Variants in FLNB observed in about 807,000 individuals in gnomAD.
FLNB encodes the protein filamin B, also known as filamin-B.
In FLNB, 111 loss-of-function variants were observed where a neutral mutation model predicts 250.6. The ratio of observed to expected loss-of-function variants is 0.44; its 90% CI spans 0.38 to 0.52. The LOEUF (loss-of-function observed/expected upper bound fraction) is 0.52, where lower values mean the gene tolerates loss of function less well. FLNB is among the 20% of genes least tolerant of loss of function. FLNB has a pLI of 0.00. For missense variants in FLNB, 2,869 were observed against 3,447.8 expected (o/e 0.83, Z 4.20); for synonymous variants, 1,302 against 1,372.1 (o/e 0.95, Z 1.13).
At chr3:58,026,413 G>T (rs1576601301) in intron 1 of FLNB, among the ~76,000 whole-genome samples, 1 of 152,180 alleles carries the variant, frequency 6.6e-6, no homozygotes, top group East Asian at 1.9e-4. Flanking sequence ...GCTGCCCTGG[G>T]TGTGGTGGTA....
chr3:58,037,395 A>C (rs371863953), intron 1 of FLNB, among the ~76,000 whole-genome samples: 1 of 152,280 alleles, frequency 6.6e-6, no homozygotes, highest in East Asian at 1.9e-4. Flanking sequence ...CTGCAATGCA[A>C]GTTGTCCTCA....
chr3:58,026,391 G>C (rs2097123652), intron 1 of FLNB, among the ~76,000 whole-genome samples: 1 of 152,156 alleles, frequency 6.6e-6, no homozygotes, highest in South Asian at 2.1e-4. Context: ...CCTGCCATCT[G>C]TCAAAATTTT....
intron 1 of FLNB, among the ~76,000 whole-genome samples, chr3:58,026,768 T>C (rs2097124170): frequency 6.6e-6 from 1 of 152,214 alleles, no homozygotes; most frequent in Non-Finnish European, 1.5e-5. Context: ...GGGCCAGATT[T>C]CTAATACTGC....
intron 19 of FLNB, 94 bp from the exon 20 acceptor site, chr3:58,121,147 C>T: frequency 6.6e-7 from 1 of 1,522,556 alleles, no homozygotes; most frequent in Non-Finnish European, 9.1e-7. Flanking sequence ...TGAGATAAGT[C>T]CCCGTGTCCA....
At chr3:58,115,196 T>C (rs1184414289) in intron 18 of FLNB, among the ~76,000 whole-genome samples, 1 of 152,244 alleles carries the variant, frequency 6.6e-6, no homozygotes, top group Non-Finnish European at 1.5e-5. Context: ...ATTATTTTCC[T>C]GCTGATGGTT....
chr3:58,151,072 T>C (rs1402698946), intron 38 of FLNB: 1 of 152,346 alleles, frequency 6.6e-6, no homozygotes, highest in Admixed American at 6.5e-5. Context: ...CTCATTACTG[T>C]AGAGTTCAGA....
intron 1 of FLNB, among the ~76,000 whole-genome samples, chr3:58,066,700 C>T (rs1188128235): frequency 6.6e-6 from 1 of 152,134 alleles, no homozygotes; most frequent in East Asian, 1.9e-4. Flanking sequence ...TTAAGTAATT[C>T]TCAAAATTTT....
At chr3:58,033,953 C>T (rs2097134445) in intron 1 of FLNB, among the ~76,000 whole-genome samples, 1 of 151,914 alleles carries the variant, frequency 6.6e-6, no homozygotes, top group Non-Finnish European at 1.5e-5. Context: ...CTCCACCTCC[C>T]GGGTTCAAGC....
chr3:58,094,320 A>C (rs2097233981), intron 4 of FLNB, among the ~76,000 whole-genome samples: 1 of 152,238 alleles, frequency 6.6e-6, no homozygotes, highest in African/African-American at 2.4e-5. Context: ...CACCTGCCTC[A>C]GCCTCCCAAA....
intron 22 of FLNB, 81 bp from the exon 23 acceptor site, chr3:58,125,500 G>A: frequency 6.7e-7 from 1 of 1,498,364 alleles, no homozygotes; most frequent in East Asian, 2.3e-5. Context: ...GATGCTAGAT[G>A]AAACTCTGAA....
At chr3:58,075,245 TCA>T (rs2106939686) in intron 1 of FLNB, among the ~76,000 whole-genome samples, 1 of 152,130 alleles carries the variant, frequency 6.6e-6, no homozygotes, top group South Asian at 2.1e-4. Context: ...TGCAGATAGC[TCA>T]GTCACTCCTC....
At chr3:58,089,632 A>G (rs561574302) in intron 4 of FLNB, among the ~76,000 whole-genome samples, 76 of 152,236 alleles carry the variant, frequency 5.0e-4, no homozygotes, top group African/African-American at 1.8e-3. Flanking sequence ...AAGAAATACA[A>G]TGTCCCAGCA....
intron 1 of FLNB, among the ~76,000 whole-genome samples, chr3:58,059,236 CAT>C (rs532697079): frequency 6.7e-4 from 102 of 152,294 alleles, no homozygotes; most frequent in African/African-American, 2.2e-3. Flanking sequence ...AAAATTCTAA[CAT>C]GTGTTTTTCA....
chr3:58,051,280 G>C (rs1001087106), intron 1 of FLNB, among the ~76,000 whole-genome samples: 6 of 152,204 alleles, frequency 3.9e-5, no homozygotes, highest in African/African-American at 1.2e-4. Flanking sequence ...CCAGTTCACT[G>C]TTCACCATTG....
intron 1 of FLNB, among the ~76,000 whole-genome samples, chr3:58,031,398 A>G (rs1424474596): frequency 2.6e-5 from 4 of 151,748 alleles, no homozygotes; most frequent in Admixed American, 2.6e-4. Context: ...GCCCGCCACC[A>G]CGCCTGGCTA....
At chr3:58,159,413 C>T (rs969852982) in intron 41 of FLNB, 141 bp from the exon 42 acceptor site, 17 of 810,646 alleles carry the variant, frequency 2.1e-5, no homozygotes, top group Non-Finnish European at 3.0e-5. Flanking sequence ...CAGAATGGCT[C>T]ACCTGCCCTT....
intron 18 of FLNB, among the ~76,000 whole-genome samples, chr3:58,112,720 A>G (rs1048105439): frequency 6.6e-6 from 1 of 152,158 alleles, no homozygotes; most frequent in Non-Finnish European, 1.5e-5. Context: ...TAGTCTTTTC[A>G]TTAATTACCC....
intron 1 of FLNB, among the ~76,000 whole-genome samples, chr3:58,015,130 C>T (rs1026030185): frequency 2.0e-5 from 3 of 152,202 alleles, no homozygotes; most frequent in Admixed American, 2.0e-4. Context: ...GATTCTAATC[C>T]GCACTCTGCC....
Position 58,123,493 on chromosome 3 carries a change from CA to C in FLNB, c.3531del (p.Ala1178ProfsTer15). The C allele has an allele frequency of 3.7e-6, 6 of 1,603,184 alleles. No homozygotes were observed. Among genetic ancestry groups the C allele is most frequent in the Non-Finnish European group, 5.1e-6 (6 of 1,173,440 alleles). ...CTGGAAGCTGTCTCGGACTCGGGAA[CA>C]AAAGCCGAAGTCAGTATTCAGAACA... is the stretch of plus-strand genomic sequence containing the variant. ...LGLEAVSDSG[T>X]KAEVSIQNNK... On this transcript the variant is annotated frameshift_variant, in exon 21 of 46. Transcript: ENST00000295956. LOFTEE classifies it high-confidence loss of function.
Sources: allele counts gnomAD v4.1 joint callset (sites outside exome capture counted in the v4.1 genomes callset), GRCh38; gene constraint gnomAD v4.1.1; transcripts MANE v1.5; gene names NCBI Gene and HGNC (gene_info 2026-07-23, HGNC 2026-07-21).